The following SGCG variants were observed in gnomAD, a reference collection of about 807,000 sequenced individuals.
The protein encoded by SGCG is gamma-sarcoglycan.
A neutral mutation model predicts 29.3 loss-of-function variants in SGCG; 26 were observed. The ratio of observed to expected loss-of-function variants is 0.89; its 90% confidence interval spans 0.65 to 1.23. SGCG has a LOEUF of 1.23. SGCG is among the 50% of genes most tolerant of loss of function. The probability of loss-of-function intolerance (pLI) is 0.00; values close to 1 mark genes in which losing one functional copy is unlikely to be tolerated. For synonymous variants in SGCG, 145 were observed against 129.7 expected, an observed-to-expected ratio of 1.12 and a Z score of -0.80; for missense variants, 353 against 356.0, an observed-to-expected ratio of 0.99 and a Z score of 0.07.
chr13:23,189,149 A>G (rs929095557), intron 1 of SGCG, among the ~76,000 whole-genome samples: 3 of 152,168 alleles, frequency 2.0e-5, no homozygotes, highest in Non-Finnish European at 4.4e-5. Context: ...GCTATCAAAT[A>G]TTCCCTTTCC....
chr13:23,241,583 A>G (rs1185097004), intron 3 of SGCG, among the ~76,000 whole-genome samples: 1 of 152,196 alleles, frequency 6.6e-6, no homozygotes, highest in Non-Finnish European at 1.5e-5. Flanking sequence ...CTTTTTCAAA[A>G]ACTTGAAGCA....
intron 2 of SGCG, among the ~76,000 whole-genome samples, chr13:23,208,610 A>G (rs180708493): frequency 3.9e-5 from 6 of 152,234 alleles, no homozygotes; most frequent in South Asian, 2.1e-4. Flanking sequence ...CACAAATCCA[A>G]TTCTACTCTT....
At chr13:23,214,184 T>C (rs57574292) in intron 2 of SGCG, among the ~76,000 whole-genome samples, 14,080 of 152,248 alleles carry the variant, frequency 0.092, 867 homozygotes, top group South Asian at 0.2. Context: ...ACGTTCATCA[T>C]GGTTGCTTCC....
the SGCG span, among the ~76,000 whole-genome samples, chr13:23,174,529 T>C: frequency 1.3e-5 from 2 of 152,062 alleles, no homozygotes; most frequent in Non-Finnish European, 2.9e-5. Flanking sequence ...ATATAGTAGA[T>C]TAAAAATAAA....
chr13:23,198,486 T>A (rs1395360194), intron 1 of SGCG, among the ~76,000 whole-genome samples: 3 of 152,144 alleles, frequency 2.0e-5, no homozygotes, highest in African/African-American at 7.2e-5. Context: ...GTGCTTCACA[T>A]CTGGAGCCCT....
intron 4 of SGCG, among the ~76,000 whole-genome samples, chr13:23,263,792 G>T (rs1880537470): frequency 1.3e-5 from 2 of 151,940 alleles, no homozygotes; most frequent in Non-Finnish European, 2.9e-5. Flanking sequence ...CAAGAAATTT[G>T]ATTCGTCACC....
the SGCG span, among the ~76,000 whole-genome samples, chr13:23,166,448 C>G: frequency 6.6e-6 from 1 of 152,158 alleles, no homozygotes; most frequent in Non-Finnish European, 1.5e-5. Context: ...CCCGCCCCAG[C>G]CTCCCAAAAT....
At chr13:23,188,130 CT>C (rs1393130913) in intron 1 of SGCG, among the ~76,000 whole-genome samples, 1 of 152,082 alleles carries the variant, frequency 6.6e-6, no homozygotes, top group Non-Finnish European at 1.5e-5. Flanking sequence ...CTGAAGTGGT[CT>C]AGGAGGCATC....
intron 4 of SGCG, among the ~76,000 whole-genome samples, chr13:23,266,954 A>C (rs1364863788): frequency 6.6e-6 from 1 of 152,198 alleles, no homozygotes; most frequent in Non-Finnish European, 1.5e-5. Flanking sequence ...ATGAACTAAC[A>C]CAAATTCCAA....
chr13:23,193,592 T>A (rs963885415), intron 1 of SGCG, among the ~76,000 whole-genome samples: 1 of 152,082 alleles, frequency 6.6e-6, no homozygotes, highest in Non-Finnish European at 1.5e-5. Flanking sequence ...TGCCATGGAC[T>A]GAGATGGGAA....
intron 3 of SGCG, among the ~76,000 whole-genome samples, chr13:23,239,190 A>G (rs1879417269): frequency 6.6e-6 from 1 of 152,148 alleles, no homozygotes. Context: ...TAAAAACAAG[A>G]GAGAAAAATC....
intron 4 of SGCG, among the ~76,000 whole-genome samples, chr13:23,276,741 A>G (rs1027189213): frequency 4.6e-5 from 7 of 152,228 alleles, no homozygotes; most frequent in African/African-American, 1.7e-4. Flanking sequence ...AGCAGGAAGC[A>G]TGAACTCTTT....
chr13:23,314,382 T>TTTTATATATATATA (rs1240016735), intron 6 of SGCG, among the ~76,000 whole-genome samples: 2,469 of 78,334 alleles, frequency 0.032, 85 homozygotes, highest in South Asian at 0.042. Context: ...CTGCTATAGG[T>TTTTATATATATATA]TATATATATA....
rs141190856 is a variant in SGCG, at chr13:23,278,877, G to A, written c.386-482G>A. On this transcript the variant is annotated intron_variant, in intron 4 of 7. Transcript: ENST00000218867. ...TGCCTGTTTTCCCCGTGGGGTAAGG[G>A]GTGAGCAGCCCTTCTGAGAATAATG... 3.0e-4 allele frequency among the ~76,000 whole-genome samples: 46 copies of A among 152,262 alleles called. 1 individual carries two copies. The East Asian group carries it at 8.3e-3, about 28-fold the overall frequency.
At chr13:23,178,710 A>C (rs1876635786), upstream of SGCG, among the ~76,000 whole-genome samples, 1 of 152,156 alleles carries the variant, frequency 6.6e-6, no homozygotes, top group Non-Finnish European at 1.5e-5. Flanking sequence ...CTCTCTCTAC[A>C]GATAACCTCA....
intron 1 of SGCG, among the ~76,000 whole-genome samples, chr13:23,182,760 G>T (rs924594622): frequency 1.3e-5 from 2 of 152,184 alleles, no homozygotes; most frequent in African/African-American, 4.8e-5. Context: ...TATGACTGGT[G>T]GGTAGGACCA....
At position 23,200,148 on chromosome 13, in the gene SGCG, C is replaced by T. The variant is rs188398456; in HGVS notation, c.1-3547C>T. 1.4e-3 allele frequency among the ~76,000 whole-genome samples: 211 copies of T among 152,224 alleles called. 2 individuals carry two copies. The highest frequency in any genetic ancestry group is 4.9e-3 in the African/African-American group (202 of 41,532). ...ATAAAAAATGTCTGGGTTGGCCGGGCGTGGTGGTGCATGCCTGTAATCCCA... is the reference window on the plus strand; with the variant it reads ...ATAAAAAATGTCTGGGTTGGCCGGGTGTGGTGGTGCATGCCTGTAATCCCA... On this transcript the variant is annotated intron_variant, in intron 1 of 7. Transcript: ENST00000218867.
intron 6 of SGCG, among the ~76,000 whole-genome samples, chr13:23,311,798 A>C (rs1467741710): frequency 2.6e-5 from 4 of 152,312 alleles, no homozygotes; most frequent in African/African-American, 9.6e-5. Context: ...CTAATTTCTC[A>C]AATTAGAAAA....
At chr13:23,322,496 A>G (rs551038059) in intron 7 of SGCG, among the ~76,000 whole-genome samples, 9 of 152,278 alleles carry the variant, frequency 5.9e-5, no homozygotes, top group Non-Finnish European at 1.0e-4. Context: ...GATGTCCTTC[A>G]CAGATGTGGA....
Sources: allele counts gnomAD v4.1 joint callset (sites outside exome capture counted in the v4.1 genomes callset), GRCh38; gene constraint gnomAD v4.1.1; transcripts MANE v1.5; gene names NCBI Gene and HGNC (gene_info 2026-07-23, HGNC 2026-07-21).